CEP152: variants seen among roughly 807,000 people sequenced by gnomAD.
CEP152 encodes centrosomal protein 152.
A neutral mutation model predicts 188.9 loss-of-function variants in CEP152; 132 were observed. That is an observed-to-expected ratio of 0.70 (90% CI 0.61 to 0.81). The LOEUF (loss-of-function observed/expected upper bound fraction) is 0.81, where lower values mean the gene tolerates loss of function less well. Ranked by LOEUF, CEP152 falls within the 30% of genes least tolerant of loss-of-function variation. CEP152 has a pLI of 0.00. For missense variants in CEP152, 1,914 were observed against 1,969.8 expected, an observed-to-expected ratio of 0.97 and a Z score of 0.54; for synonymous variants, 649 against 666.6, an observed-to-expected ratio of 0.97 and a Z score of 0.41.
chr15:48,766,695 C>T (rs999873050), intron 17 of CEP152, among the ~76,000 whole-genome samples: 3 of 151,838 alleles, frequency 2.0e-5, no homozygotes, highest in South Asian at 2.1e-4. Context: ...ACGAATGCTC[C>T]GTGCAGCGCT....
chr15:48,767,947 C>T (rs747568890), intron 15 of CEP152, among the ~76,000 whole-genome samples: 19 of 152,162 alleles, frequency 1.2e-4, no homozygotes, highest in Non-Finnish European at 2.2e-4. Flanking sequence ...GTTTCCCAGA[C>T]GAGTCTTTAA....
intron 7 of CEP152, among the ~76,000 whole-genome samples, chr15:48,792,598 G>A (rs1397533680): frequency 2.0e-5 from 3 of 152,092 alleles, no homozygotes; most frequent in Non-Finnish European, 4.4e-5. Context: ...GGATTAAAAC[G>A]TTTATGCTAA....
At chr15:48,748,681 AAAGAC>A (rs1293110054) in intron 21 of CEP152, 71 bp from the exon 22 acceptor site, 15 of 1,294,564 alleles carry the variant, frequency 1.2e-5, no homozygotes, top group South Asian at 2.5e-5. Context: ...AAAAAAAAAA[AAAGAC>A]AGAAAGAAAA....
In CEP152 at chr15:48,738,147, A is replaced by G; in HGVS notation, c.*102T>C. The G allele has an allele frequency of 8.3e-7, 1 of 1,210,198 alleles. No homozygotes were observed. The highest frequency in any genetic ancestry group is 2.8e-4 in the Middle Eastern group (1 of 3,554). 75.0% of individuals were successfully genotyped at this position (1,210,198 alleles called of 1,614,324 possible). On this transcript the variant is annotated 3_prime_UTR_variant, in exon 27 of 27. Coordinates refer to ENST00000380950, the MANE Select transcript of CEP152 (RefSeq NM_001194998.2). ...TTACTTATATAACAGATGTTATTAAAACATCTCAAAAGAGGCAGGGCTCAC... is the reference window on the plus strand; with the variant it reads ...TTACTTATATAACAGATGTTATTAAGACATCTCAAAAGAGGCAGGGCTCAC...
At chr15:48,744,728 T>C (rs1038823008) in intron 23 of CEP152, among the ~76,000 whole-genome samples, 168 bp downstream of exon 23, 1 of 152,140 alleles carries the variant, frequency 6.6e-6, no homozygotes. Flanking sequence ...TTAAATGATA[T>C]AAAACAAGAG....
chr15:48,797,909 A>C, intron 3 of CEP152, 39 bp downstream of exon 3: 1 of 1,542,086 alleles, frequency 6.5e-7, no homozygotes, highest in East Asian at 2.3e-5. Flanking sequence ...AGACTTATAG[A>C]ATTGCAATAT....
intron 19 of CEP152, among the ~76,000 whole-genome samples, chr15:48,759,224 T>C (rs1894501916): frequency 1.3e-5 from 2 of 152,216 alleles, no homozygotes; most frequent in African/African-American, 4.8e-5. Context: ...TGAGTTGTTA[T>C]TATGGTACAG....
intron 25 of CEP152, 113 bp downstream of exon 25, chr15:48,741,834 C>T (rs1362960016): frequency 1.9e-6 from 3 of 1,608,880 alleles, no homozygotes; most frequent in Non-Finnish European, 1.7e-6. Flanking sequence ...CTCTCTTAAC[C>T]CCCTATGGCT....
intron 1 of CEP152, chr15:48,810,698 A>C (rs1175770901): frequency 2.6e-5 from 4 of 152,422 alleles, no homozygotes; most frequent in Non-Finnish European, 5.9e-5. Flanking sequence ...CGGGGTCCGC[A>C]GAGTAGGGTC....
In CEP152 at chr15:48,768,945, T is replaced by C; in HGVS notation, c.1908+11A>G. The stretch of plus-strand genomic sequence containing the variant: ...AAATTCTCATAAAATATAAAAAATA[T>C]TTTTAATCACCTGATTTTGTTGTTG... On this transcript the variant is annotated intron_variant, in intron 14 of 26. Transcript: ENST00000380950. 6.8e-7 allele frequency: 1 copy of C among 1,465,274 alleles called. No individual in the cohort carries two copies. Among genetic ancestry groups the C allele is most frequent in the Non-Finnish European group, 9.3e-7 (1 of 1,069,860 alleles). 90.8% of individuals were successfully genotyped at this position (1,465,274 alleles called of 1,614,324 possible). A position where few individuals can be genotyped will look rare whatever the true frequency, so the allele number is the denominator to read the frequency against.
chr15:48,766,939 T>C, intron 17 of CEP152, 121 bp downstream of exon 17: 1 of 1,329,060 alleles, frequency 7.5e-7, no homozygotes. Context: ...CAGCCAAAAG[T>C]AAAGAGAACA....
intron 19 of CEP152, among the ~76,000 whole-genome samples, chr15:48,758,069 T>C (rs1177071405): frequency 6.6e-6 from 1 of 152,238 alleles, no homozygotes; most frequent in Non-Finnish European, 1.5e-5. Context: ...AAAATCCTGA[T>C]GCCCAGGCCA....
intron 23 of CEP152, 57 bp from the exon 24 acceptor site, chr15:48,744,400 G>C (rs1893256528): frequency 6.3e-7 from 1 of 1,599,680 alleles, no homozygotes; most frequent in South Asian, 1.1e-5. Flanking sequence ...AATTTCATTT[G>C]AAAAATATAT....
intron 17 of CEP152, among the ~76,000 whole-genome samples, chr15:48,763,134 T>C (rs1894815737): frequency 6.6e-6 from 1 of 152,224 alleles, no homozygotes; most frequent in South Asian, 2.1e-4. Flanking sequence ...TCTTATTTGT[T>C]ATAGTGTTAA....
At chr15:48,789,907 T>C (rs892663195) in intron 8 of CEP152, among the ~76,000 whole-genome samples, 4 of 152,208 alleles carry the variant, frequency 2.6e-5, no homozygotes, top group Non-Finnish European at 5.9e-5. Context: ...GATAAATTTG[T>C]ATTGTTTTAA....
At chr15:48,741,080 T>C in intron 26 of CEP152, 1 of 999,860 alleles carries the variant, frequency 1.0e-6, no homozygotes, top group Middle Eastern at 5.1e-4. Context: ...TCCTATACTG[T>C]CTTCTTTCTC....
At chr15:48,761,441 G>A (rs1282407163) in intron 18 of CEP152, among the ~76,000 whole-genome samples, 1 of 152,188 alleles carries the variant, frequency 6.6e-6, no homozygotes, top group Non-Finnish European at 1.5e-5. Flanking sequence ...ATGTATCAAA[G>A]TCCAAGGAAC....
intron 20 of CEP152, among the ~76,000 whole-genome samples, chr15:48,753,321 C>G (rs1157988829): frequency 6.6e-6 from 1 of 152,204 alleles, no homozygotes; most frequent in Non-Finnish European, 1.5e-5. Context: ...CCACCACGCT[C>G]AGCCAAATCA....
chr15:48,787,164 T>TTTTTTTTG lies in CEP152; in HGVS notation c.1173+1636_1173+1637insCAAAAAAA, dbSNP rs1491125536. On this transcript the variant is annotated intron_variant, in intron 9 of 26. Transcript: ENST00000380950. ...TTTCAATAATTTGGTATAGCCTTCGTTTTTTTTTTTTTTTTTTTCTGGAAA... is the reference window on the plus strand; with the variant it reads ...TTTCAATAATTTGGTATAGCCTTCGTTTTTTTTGTTTTTTTTTTTTTTTTTTCTGGAAA... Among the ~76,000 whole-genome samples the TTTTTTTTG allele has an allele frequency of 1.5e-4, 3 of 19,612 alleles. 1 individual carries two copies. The highest frequency in any genetic ancestry group is 3.0e-4 in the African/African-American group (2 of 6,672). 12.9% of individuals were successfully genotyped at this position (19,612 alleles called of 152,430 possible).
Sources: allele counts gnomAD v4.1 joint callset (sites outside exome capture counted in the v4.1 genomes callset), GRCh38; gene constraint gnomAD v4.1.1; transcripts MANE v1.5; gene names NCBI Gene and HGNC (gene_info 2026-07-23, HGNC 2026-07-21).